KCNC3: variants seen among roughly 807,000 people sequenced by gnomAD.
KCNC3 encodes potassium voltage-gated channel subfamily C member 3.
KCNC3 carries 22 observed loss-of-function variants against 43.9 expected under a neutral mutation model. That is an observed-to-expected ratio of 0.50 (90% CI 0.36 to 0.72). The LOEUF is 0.72. Ranked by LOEUF, KCNC3 falls within the 30% of genes least tolerant of loss-of-function variation. KCNC3 has a pLI of 0.00. For missense variants in KCNC3, 829 were observed against 1,073.8 expected (o/e 0.77, Z 3.19); for synonymous variants, 492 against 488.0 (o/e 1.01, Z -0.11).
chr19:50,316,562 C>T (rs1280194042), intron 4 of KCNC3, among the ~76,000 whole-genome samples: 1 of 151,970 alleles, frequency 6.6e-6, no homozygotes, highest in African/African-American at 2.4e-5. Flanking sequence ...CCAACAAAAC[C>T]CCATCTCTAC....
rs1259243255 is a variant in KCNC3, at chr19:50,322,964, C to G, written c.1978+11G>C. 1.9e-6 allele frequency: 3 copies of G among 1,550,388 alleles called. No homozygotes were observed. Among genetic ancestry groups the G allele is most frequent in the Non-Finnish European group, 2.6e-6 (3 of 1,147,288 alleles). Reference sequence around the variant, plus strand: ...CCACCTGTGCCCCCGATCCCTGACGCCCAGGCTCACCTGCCCGGTTGATCT... The same window carrying G: ...CCACCTGTGCCCCCGATCCCTGACGGCCAGGCTCACCTGCCCGGTTGATCT... On this transcript the variant is annotated intron_variant, in intron 2 of 4. Coordinates refer to ENST00000477616, the MANE Select transcript of KCNC3 (RefSeq NM_004977.3).
In KCNC3 at chr19:50,315,995, T is replaced by C. The variant is rs979908092; in HGVS notation, c.*120A>G. ...GGGGGGAGATTTGAAGCCCAGTGTC[T>C]TGGGGACACCCCCTCCCAGCCATTC... On this transcript the variant is annotated 3_prime_UTR_variant, in exon 5 of 5. Coordinates refer to ENST00000477616, the MANE Select transcript of KCNC3 (RefSeq NM_004977.3). 1 of 287,554 alleles carries C rather than the reference T, an allele frequency of 3.5e-6. No individual in the cohort carries two copies. Among genetic ancestry groups the C allele is most frequent in the Non-Finnish European group, 6.8e-6 (1 of 147,320 alleles). The allele number at this position is 287,554 out of a possible 1,614,324, so 17.8% of individuals were successfully genotyped here. A position where few individuals can be genotyped will look rare whatever the true frequency, so the allele number is the denominator to read the frequency against.
At chr19:50,321,446 T>TA (rs551087370) in intron 2 of KCNC3, among the ~76,000 whole-genome samples, 57 of 152,070 alleles carry the variant, frequency 3.7e-4, no homozygotes, top group East Asian at 1.6e-3. Context: ...GCCTGGGTGA[T>TA]AGAGTGAGAC....
chr19:50,329,395 G>C (rs2037156086), upstream of KCNC3: 1 of 173,348 alleles, frequency 5.8e-6, no homozygotes, highest in Non-Finnish European at 1.2e-5. Flanking sequence ...AATTGTGTTC[G>C]GCAGCACTGG....
chr19:50,330,149 C>G (rs1030932582), upstream of KCNC3, among the ~76,000 whole-genome samples: 1 of 152,122 alleles, frequency 6.6e-6, no homozygotes, highest in African/African-American at 2.4e-5. Flanking sequence ...TGCCTGTAGT[C>G]CCAGCTAGTC....
Position 50,328,197 on chromosome 19 carries a change from C to T in KCNC3, c.870+16G>A. On this transcript the variant is annotated intron_variant, in intron 1 of 4. Transcript: ENST00000477616. ...GGCGGGGGTGGGGTGGATGGGGGCC[C>T]CGAGAGCGCGCTCACCCTGGCAGCC... The T allele has an allele frequency of 8.4e-7, 1 of 1,188,290 alleles. No individual in the cohort carries two copies. The highest frequency in any genetic ancestry group is 1.0e-6 in the Non-Finnish European group (1 of 960,348). 73.6% of individuals were successfully genotyped at this position (1,188,290 alleles called of 1,614,324 possible).
intron 1 of KCNC3, among the ~76,000 whole-genome samples, chr19:50,327,952 G>A (rs530222335): frequency 1.9e-4 from 28 of 151,026 alleles, no homozygotes; most frequent in African/African-American, 6.6e-4. Context: ...GTCTAGGGTG[G>A]CCTTGGCGGG....
At chr19:50,319,851 TTCTC>T (rs1358900082) in intron 4 of KCNC3, among the ~76,000 whole-genome samples, 3 of 151,750 alleles carry the variant, frequency 2.0e-5, no homozygotes, top group Admixed American at 6.6e-5. Context: ...GGCTGAGCCT[TTCTC>T]TCCCCATTCT....
Position 50,323,448 on chromosome 19 carries a change from G to A in KCNC3, c.1505C>T (p.Thr502Met), listed in dbSNP as rs2123534422. 6.2e-7 allele frequency: 1 copy of A among 1,614,198 alleles called. No individual in the cohort carries two copies. The highest frequency in any genetic ancestry group is 8.5e-7 in the Non-Finnish European group (1 of 1,180,034). ...GTACATGTCTCCATAGCCCAGGGTC[G>A]TCATGGTGACCACAGCCCACCAGAA... ...IGFWWAVVTM[T>M]TLGYGDMYPK... The change falls in exon 2 of 5, where the codon ACG becomes ATG. Residue 502 changes from threonine (T) to methionine (M), a missense_variant. Physicochemically the swap from Thr to Met is moderately conservative, Grantham distance 81. Around this residue, in one of 7 missense-constraint regions of KCNC3, gnomAD observed 33 missense variants for 96.0 expected, o/e 0.34. Transcript: ENST00000477616.
At chr19:50,333,093 G>T (rs2037205702), upstream of KCNC3, among the ~76,000 whole-genome samples, 1 of 152,134 alleles carries the variant, frequency 6.6e-6, no homozygotes, top group South Asian at 2.1e-4. Flanking sequence ...ATAATCTTTG[G>T]GTCCCTGGAT....
chr19:50,323,865 A>C lies in KCNC3; in HGVS notation c.1088T>G (p.Phe363Cys). 6.2e-7 allele frequency: 1 copy of C among 1,614,100 alleles called. No individual in the cohort carries two copies. ...TGGGCAGAAGGTGATGCGCATGAGGAACTCGAAGGTGAACCAGACCACGCA... is the reference window on the plus strand; with the variant it reads ...TGGGCAGAAGGTGATGCGCATGAGGCACTCGAAGGTGAACCAGACCACGCA... The part of the protein sequence containing the change: ...GVCVVWFTFE[F>C]LMRITFCPDK... The change falls in exon 2 of 5, where the codon TTC becomes TGC. Residue 363 changes from phenylalanine (F) to cysteine (C), a missense_variant. Transcript: ENST00000477616.
At chr19:50,321,331 A>G (rs2037031256) in intron 2 of KCNC3, among the ~76,000 whole-genome samples, 1 of 152,054 alleles carries the variant, frequency 6.6e-6, no homozygotes, top group African/African-American at 2.4e-5. Context: ...AGCTGGGTAT[A>G]GTAGTACACG....
Position 50,315,857 on chromosome 19 carries a change from C to A in KCNC3, c.*258G>T, listed in dbSNP as rs2036944999. ...AACAGTGTGTGTGGTTTCTGCAAAG[C>A]CTGGGGCTGCCTGCAGGGTTCTGCA... is the stretch of plus-strand genomic sequence containing the variant. On this transcript the variant is annotated 3_prime_UTR_variant, in exon 5 of 5. Coordinates refer to ENST00000477616, the MANE Select transcript of KCNC3 (RefSeq NM_004977.3). 1.6e-5 allele frequency: 5 copies of A among 306,126 alleles called. No homozygotes were observed. In the South Asian group the frequency reaches 8.3e-4, roughly 51 times the overall value. The allele number at this position is 306,126 out of a possible 1,614,324, so 19.0% of individuals were successfully genotyped here.
chr19:50,317,285 A>G lies in KCNC3; in HGVS notation c.*24-1194T>C, dbSNP rs574564167. ...TCCCCCCTCTGGACTAGGAGCCCGG[A>G]AGCCTGGGGTCTCGGCCCTTGTGCT... On this transcript the variant is annotated intron_variant, in intron 4 of 4. Coordinates refer to ENST00000477616, the MANE Select transcript of KCNC3 (RefSeq NM_004977.3). Among the ~76,000 whole-genome samples the G allele has an allele frequency of 8.5e-5, 13 of 152,112 alleles. No homozygotes were observed. The East Asian group carries it at 2.3e-3, about 27-fold the overall frequency.
upstream of KCNC3, among the ~76,000 whole-genome samples, chr19:50,332,021 C>T (rs2037195290): frequency 6.6e-6 from 1 of 152,182 alleles, no homozygotes; most frequent in South Asian, 2.1e-4. This position sits in a 1 kb window ranked among gnomAD's most constrained non-coding sequence, Gnocchi z 5.8. Flanking sequence ...TGCACCCAAT[C>T]CATCATGTCC....
Position 50,312,385 on chromosome 19 carries a change from C to T in KCNC3, c.*3730G>A, listed in dbSNP as rs2036890361. Reference sequence around the variant, plus strand: ...CGCCATTCATTCCTCCCCAATCGCCCCGCCCCCTGGCCCGTGTCCGTGCGT... The same window carrying T: ...CGCCATTCATTCCTCCCCAATCGCCTCGCCCCCTGGCCCGTGTCCGTGCGT... On this transcript the variant is annotated 3_prime_UTR_variant, in exon 5 of 5. Coordinates refer to ENST00000477616, the MANE Select transcript of KCNC3 (RefSeq NM_004977.3). 1 of 152,480 alleles carries T rather than the reference C, an allele frequency of 6.6e-6. No homozygotes were observed. Among genetic ancestry groups the T allele is most frequent in the Non-Finnish European group, 1.5e-5 (1 of 68,302 alleles). The allele number at this position is 152,480 out of a possible 1,614,324, so 9.4% of individuals were successfully genotyped here.
At chr19:50,322,737 C>T (rs965630240) in intron 2 of KCNC3, among the ~76,000 whole-genome samples, 2 of 152,166 alleles carry the variant, frequency 1.3e-5, no homozygotes, top group African/African-American at 4.8e-5. Context: ...CTGCCTCTGC[C>T]TCGCCAGCCC....
Position 50,328,249 on chromosome 19 carries a change from C to G in KCNC3, c.834G>C (p.Ala278=), listed in dbSNP as rs1390734311. ...WWRRWQPRVW[A]LFEDPYSSRA... is the part of the protein sequence containing the mutation. Reference sequence around the variant, plus strand: ...GCGACGAGTAGGGGTCCTCGAAGAGCGCCCACACGCGGGGCTGCCAGCGGC... The same window carrying G: ...GCGACGAGTAGGGGTCCTCGAAGAGGGCCCACACGCGGGGCTGCCAGCGGC... The change falls in exon 1 of 5, where the codon GCG becomes GCC. Residue 278 remains alanine, a synonymous_variant. Transcript: ENST00000477616. 1 of 1,200,022 alleles carries G rather than the reference C, an allele frequency of 8.3e-7. No individual in the cohort carries two copies. Among genetic ancestry groups the G allele is most frequent in the African/African-American group, 1.6e-5 (1 of 63,064 alleles). The allele number at this position is 1,200,022 out of a possible 1,614,324, so 74.3% of individuals were successfully genotyped here. A position where few individuals can be genotyped will look rare whatever the true frequency, so the allele number is the denominator to read the frequency against.
rs73060483 is a variant in KCNC3 at position 50,312,456 on chromosome 19, A to G, written c.*3659T>C. The G allele has an allele frequency of 0.015, 2,237 of 152,190 alleles. 30 individuals carry two copies. Among genetic ancestry groups the G allele is most frequent in the Non-Finnish European group, 0.021 (1,437 of 68,028 alleles). The allele number at this position is 152,190 out of a possible 1,614,324, so 9.4% of individuals were successfully genotyped here. ...GCGACATGCGTGTGGGGGGCGCGTC[A>G]TGCAGCGCATGCGTGTAGGTGCAGG... is the stretch of plus-strand genomic sequence containing the variant. On this transcript the variant is annotated 3_prime_UTR_variant, in exon 5 of 5. Transcript: ENST00000477616.
Sources: gnomAD v4.1 joint callset for allele counts (sites outside exome capture counted in the v4.1 genomes callset) on GRCh38, gnomAD v4.1.1 for gene constraint, gnomAD v4.1.1 regional missense constraint, Gnocchi (gnomAD v3.1) non-coding constraint, MANE v1.5 for transcripts, NCBI Gene and HGNC (gene_info 2026-07-23, HGNC 2026-07-21) for gene names.